The following GPC5 variants were observed in gnomAD, a reference collection of about 807,000 sequenced individuals.
GPC5 encodes the protein glypican 5.
In GPC5, 47 loss-of-function variants were observed where a neutral mutation model predicts 53.9. The ratio of observed to expected loss-of-function variants is 0.87; its 90% CI spans 0.69 to 1.11. The LOEUF is 1.11. GPC5 is among the 50% of genes most tolerant of loss of function. The pLI, the probability that GPC5 is intolerant of heterozygous loss-of-function variation, is 0.00. For missense variants in GPC5, 748 were observed against 713.1 expected, an observed-to-expected ratio of 1.05 and a Z score of -0.56; for synonymous variants, 286 against 263.3, an observed-to-expected ratio of 1.09 and a Z score of -0.84.
At chr13:92,758,994 G>GTTTTTTTTTTTTTTTTTTTTT (rs68182839) in intron 7 of GPC5, among the ~76,000 whole-genome samples, 1 of 70,566 alleles carries the variant, frequency 1.4e-5, no homozygotes, top group Admixed American at 2.1e-4. Context: ...TCCCATTGCG[G>GTTTTTTTTTTTTTTTTTTTTT]TTTTTTTTTT....
At chr13:92,324,955 A>G (rs6492600) in intron 7 of GPC5, among the ~76,000 whole-genome samples, 71,073 of 151,686 alleles carry the variant, frequency 0.47, 17,981 homozygotes, top group African/African-American at 0.68. Flanking sequence ...AAAAATTATA[A>G]ACTGAGAGCA....
chr13:92,094,864 A>C (rs985631259), intron 6 of GPC5, among the ~76,000 whole-genome samples: 8 of 151,952 alleles, frequency 5.3e-5, no homozygotes, highest in African/African-American at 1.7e-4. Context: ...TATATTGTAT[A>C]TAGTAATATT....
At chr13:92,419,548 C>T (rs1373395608) in intron 7 of GPC5, among the ~76,000 whole-genome samples, 4 of 152,158 alleles carry the variant, frequency 2.6e-5, no homozygotes, top group African/African-American at 9.7e-5. Context: ...GAATTGAATA[C>T]TGTCAAACTC....
chr13:92,184,338 GGA>G (rs1397796591), intron 7 of GPC5, among the ~76,000 whole-genome samples: 1 of 152,104 alleles, frequency 6.6e-6, no homozygotes, highest in African/African-American at 2.4e-5. Context: ...TCCAGAGTCA[GGA>G]GAGCACACAA....
intron 2 of GPC5, among the ~76,000 whole-genome samples, chr13:91,678,281 G>A (rs930030957): frequency 6.6e-6 from 1 of 152,172 alleles, no homozygotes; most frequent in African/African-American, 2.4e-5. Flanking sequence ...GTAAAATCAG[G>A]AGATTGCAGA....
In GPC5 at chr13:91,822,322, C is replaced by A. The variant is rs570154810; in HGVS notation, c.1280+65902C>A. On this transcript the variant is annotated intron_variant, in intron 5 of 7. Coordinates refer to ENST00000377067, the MANE Select transcript of GPC5 (RefSeq NM_004466.6). ...GATTAATTTCCATGGACACTCTTTG[C>A]TCTTTGGAAGAGTGGCAGGATGGAC... Among the ~76,000 whole-genome samples the A allele has an allele frequency of 3.2e-3, 494 of 152,278 alleles. 1 individual carries two copies. The highest frequency in any genetic ancestry group is 5.4e-3 in the Non-Finnish European group (368 of 68,002).
chr13:91,638,714 C>G (rs2034345172), intron 2 of GPC5, among the ~76,000 whole-genome samples: 1 of 152,072 alleles, frequency 6.6e-6, no homozygotes, highest in South Asian at 2.1e-4. Context: ...ATGTAGAACT[C>G]TAAGTTGAGG....
At chr13:92,279,200 G>T (rs1366727417) in intron 7 of GPC5, among the ~76,000 whole-genome samples, 1 of 151,902 alleles carries the variant, frequency 6.6e-6, no homozygotes, top group Admixed American at 6.6e-5. Context: ...ATTTCTTTCA[G>T]TAATGTTTTG....
chr13:91,859,683 T>C (rs1228341188), intron 5 of GPC5, among the ~76,000 whole-genome samples: 1 of 151,906 alleles, frequency 6.6e-6, no homozygotes, highest in Non-Finnish European at 1.5e-5. Context: ...ACTTTCTTGA[T>C]GTTTTCAAAG....
intron 7 of GPC5, among the ~76,000 whole-genome samples, chr13:92,712,601 A>G (rs992188586): frequency 5.9e-5 from 9 of 152,110 alleles, no homozygotes; most frequent in Non-Finnish European, 1.2e-4. Flanking sequence ...AATTGAAACT[A>G]CTCTGTGAAG....
chr13:92,098,448 C>G (rs1594761959), intron 6 of GPC5, among the ~76,000 whole-genome samples: 2 of 152,052 alleles, frequency 1.3e-5, no homozygotes. Context: ...TTGAGCTGAT[C>G]AAAATGTACT....
At chr13:92,258,132 A>G (rs1329175545) in intron 7 of GPC5, among the ~76,000 whole-genome samples, 2 of 152,194 alleles carry the variant, frequency 1.3e-5, no homozygotes, top group Non-Finnish European at 2.9e-5. Flanking sequence ...ATTACTTTTT[A>G]AGACCTAAAT....
intron 7 of GPC5, among the ~76,000 whole-genome samples, chr13:92,815,537 AT>A (rs151296072): frequency 4.6e-5 from 7 of 151,468 alleles, no homozygotes; most frequent in African/African-American, 7.3e-5. Context: ...TGACTCTGTG[AT>A]TTTTTTTTCT....
chr13:92,038,244 T>C (rs77162082), intron 6 of GPC5, among the ~76,000 whole-genome samples: 6,177 of 151,960 alleles, frequency 0.041, 159 homozygotes, highest in Middle Eastern at 0.054. Flanking sequence ...TAACAAGTTT[T>C]GGGTTATCAG....
At chr13:92,837,923 T>C (rs959333184) in intron 7 of GPC5, among the ~76,000 whole-genome samples, 1 of 151,222 alleles carries the variant, frequency 6.6e-6, no homozygotes, top group African/African-American at 2.4e-5. Context: ...AGAAACCCCG[T>C]CTCTACTAAA....
chr13:92,863,713 G>A (rs1038196258), intron 7 of GPC5, among the ~76,000 whole-genome samples: 2 of 152,230 alleles, frequency 1.3e-5, no homozygotes, highest in Non-Finnish European at 1.5e-5. Flanking sequence ...GGCTGGTCTT[G>A]TACTCCCGAC....
At chr13:92,141,698 C>T (rs544334340) in intron 6 of GPC5, among the ~76,000 whole-genome samples, 1 of 152,102 alleles carries the variant, frequency 6.6e-6, no homozygotes, top group South Asian at 2.1e-4. Flanking sequence ...GATGAGAAGT[C>T]TGGGTGGGCT....
At chr13:91,762,691 A>G (rs2037440487) in intron 5 of GPC5, among the ~76,000 whole-genome samples, 2 of 150,738 alleles carry the variant, frequency 1.3e-5, no homozygotes, top group African/African-American at 2.4e-5. Context: ...AGCCTATCAT[A>G]TTTGGTTCAG....
intron 7 of GPC5, among the ~76,000 whole-genome samples, chr13:92,620,457 T>C (rs187405607): frequency 6.6e-5 from 10 of 152,334 alleles, no homozygotes; most frequent in African/African-American, 2.4e-4. Flanking sequence ...ACCAGGTTTT[T>C]TGTTTCTCGT....
Sources: allele counts gnomAD v4.1 joint callset (sites outside exome capture counted in the v4.1 genomes callset), GRCh38; gene constraint gnomAD v4.1.1; transcripts MANE v1.5; gene names NCBI Gene and HGNC (gene_info 2026-07-23, HGNC 2026-07-21).